Variants in IL1RAPL1 observed in about 807,000 individuals in gnomAD.
IL1RAPL1 encodes interleukin 1 receptor accessory protein like 1, also known as interleukin-1 receptor accessory protein-like 1.
A neutral mutation model predicts 48.4 loss-of-function variants in IL1RAPL1; 3 were observed. The ratio of observed to expected loss-of-function variants is 0.06; its 90% CI spans 0.03 to 0.16. The LOEUF (loss-of-function observed/expected upper bound fraction) is 0.16, where lower values mean the gene tolerates loss of function less well. Among genes scored for constraint, IL1RAPL1 ranks in the 10% least tolerant of loss-of-function variants. IL1RAPL1 has a pLI of 1.00. For synonymous variants in IL1RAPL1, 185 were observed against 187.7 expected (o/e 0.99, Z 0.12); for missense variants, 349 against 530.6 (o/e 0.66, Z 3.36).
chrX:29,036,071 T>C (rs1926725676), intron 2 of IL1RAPL1, among the ~76,000 whole-genome samples: 1 of 111,992 alleles, frequency 8.9e-6, no homozygotes, highest in African/African-American at 3.2e-5. Flanking sequence ...ATTAACTCTC[T>C]TATTAGCTTC....
intron 3 of IL1RAPL1, among the ~76,000 whole-genome samples, chrX:29,357,115 G>GA (rs1933315696): frequency 8.9e-6 from 1 of 111,823 alleles, no homozygotes; most frequent in African/African-American, 3.3e-5. Flanking sequence ...TATTTCCTTA[G>GA]AAAAATTCTT....
intron 2 of IL1RAPL1, among the ~76,000 whole-genome samples, chrX:29,012,306 G>C (rs1039428626): frequency 8.9e-6 from 1 of 112,296 alleles, no homozygotes; most frequent in Non-Finnish European, 1.9e-5. Flanking sequence ...ACTTTGGGAG[G>C]CTGAGGCGGG....
At chrX:29,764,596 G>A (rs181566237) in intron 6 of IL1RAPL1, among the ~76,000 whole-genome samples, 34 of 111,934 alleles carry the variant, frequency 3.0e-4, no homozygotes, top group African/African-American at 1.1e-3. Flanking sequence ...GGTTACAGCT[G>A]GAGGACATAA....
chrX:28,887,125 G>T (rs1922652606), intron 2 of IL1RAPL1, among the ~76,000 whole-genome samples: 1 of 111,254 alleles, frequency 9.0e-6, no homozygotes, highest in African/African-American at 3.3e-5. Context: ...TTACCAATGT[G>T]GTTGTATTGA....
chrX:29,678,661 C>G lies in IL1RAPL1; in HGVS notation c.778+10157C>G, dbSNP rs970741206. 7.3e-5 allele frequency among the ~76,000 whole-genome samples: 8 copies of G among 109,673 alleles called. No individual in the cohort carries two copies. In the East Asian group the frequency reaches 2.3e-3, roughly 31 times the overall value. On this transcript the variant is annotated intron_variant, in intron 6 of 10. Coordinates refer to ENST00000378993, the MANE Select transcript of IL1RAPL1 (RefSeq NM_014271.4). ...GGGATTACAGGCGTGAGCCACCGCG[C>G]CCGGCCAACACTATTTTTTTAGAAA... is the stretch of plus-strand genomic sequence containing the variant.
intron 3 of IL1RAPL1, among the ~76,000 whole-genome samples, chrX:29,323,751 ATATATATATAT>A (rs1932824154): frequency 3.1e-5 from 1 of 32,515 alleles, no homozygotes; most frequent in African/African-American, 1.8e-4. Context: ...ATATATATAT[ATATATATATAT>A]ATATATATAT....
chrX:28,707,130 G>A (rs1457197386), intron 1 of IL1RAPL1, among the ~76,000 whole-genome samples: 1 of 111,932 alleles, frequency 8.9e-6, no homozygotes, highest in Non-Finnish European at 1.9e-5. Context: ...CATGCCTTTG[G>A]CAGTGTAAAG....
chrX:29,218,237 G>A (rs1292754133), intron 2 of IL1RAPL1, among the ~76,000 whole-genome samples: 2 of 111,855 alleles, frequency 1.8e-5, no homozygotes, highest in East Asian at 2.8e-4. Flanking sequence ...GACACATCCG[G>A]TATAATTTTT....
chrX:29,370,931 A>G (rs1274954066), intron 3 of IL1RAPL1, among the ~76,000 whole-genome samples: 1 of 109,405 alleles, frequency 9.1e-6, no homozygotes, highest in South Asian at 3.9e-4. Context: ...ATATTTCAAG[A>G]CATGTATATA....
intron 2 of IL1RAPL1, among the ~76,000 whole-genome samples, chrX:29,096,728 T>G (rs79515873): frequency 9.1e-6 from 1 of 110,448 alleles, no homozygotes; most frequent in African/African-American, 3.3e-5. Context: ...TTTTAATATA[T>G]GTATGAAGAA....
chrX:29,093,479 G>A (rs1382021117), intron 2 of IL1RAPL1, among the ~76,000 whole-genome samples: 2 of 111,578 alleles, frequency 1.8e-5, no homozygotes, highest in Admixed American at 9.5e-5. Flanking sequence ...AATTCGACAT[G>A]AGATTTGGTG....
At chrX:28,955,277 T>G (rs1378379023) in intron 2 of IL1RAPL1, among the ~76,000 whole-genome samples, 1 of 111,550 alleles carries the variant, frequency 9.0e-6, no homozygotes, top group African/African-American at 3.3e-5. Context: ...TAGTTAGAGA[T>G]AAGATTTGTG....
At chrX:29,543,591 C>CAT (rs34182954) in intron 5 of IL1RAPL1, among the ~76,000 whole-genome samples, 82 of 105,886 alleles carry the variant, frequency 7.7e-4, no homozygotes, top group Admixed American at 1.8e-3. Flanking sequence ...AAACAAAAGA[C>CAT]ATATATATAT....
intron 3 of IL1RAPL1, among the ~76,000 whole-genome samples, chrX:29,354,486 A>G (rs1416331833): frequency 1.8e-5 from 2 of 111,959 alleles, no homozygotes; most frequent in Non-Finnish European, 3.8e-5. Context: ...AACCTATTTT[A>G]TGATCTCATG....
chrX:28,751,510 T>C (rs1936043038), intron 1 of IL1RAPL1, among the ~76,000 whole-genome samples: 1 of 112,088 alleles, frequency 8.9e-6, no homozygotes, highest in African/African-American at 3.2e-5. Flanking sequence ...TCCCTTAAAA[T>C]GTTTATGTAA....
At chrX:29,066,992 T>A (rs1482241222) in intron 2 of IL1RAPL1, among the ~76,000 whole-genome samples, 1 of 111,904 alleles carries the variant, frequency 8.9e-6, no homozygotes, top group Non-Finnish European at 1.9e-5. Flanking sequence ...AGACCATGTG[T>A]AAACGCCACA....
intron 9 of IL1RAPL1, among the ~76,000 whole-genome samples, chrX:29,952,736 A>T (rs1271049717): frequency 2.7e-5 from 3 of 112,114 alleles, no homozygotes; most frequent in Non-Finnish European, 5.6e-5. Flanking sequence ...GTACAACTAT[A>T]TGCTGGCTAA....
intron 6 of IL1RAPL1, among the ~76,000 whole-genome samples, chrX:29,720,612 G>C (rs988193948): frequency 7.2e-5 from 8 of 110,562 alleles, no homozygotes; most frequent in African/African-American, 2.6e-4. Context: ...ATGGGGTGGG[G>C]GTCTAGGGGA....
At chrX:28,593,091 A>C (rs1370017300) in intron 1 of IL1RAPL1, among the ~76,000 whole-genome samples, 1 of 111,766 alleles carries the variant, frequency 8.9e-6, no homozygotes, top group African/African-American at 3.2e-5. Context: ...TGCATATAAC[A>C]TTCTATTACA....
Sources: gnomAD v4.1 joint callset for allele counts (sites outside exome capture counted in the v4.1 genomes callset) on GRCh38, gnomAD v4.1.1 for gene constraint, MANE v1.5 for transcripts, NCBI Gene and HGNC (gene_info 2026-07-23, HGNC 2026-07-21) for gene names.